TG: variants seen among roughly 807,000 people sequenced by gnomAD.
TG encodes thyroglobulin.
A neutral mutation model predicts 324.7 loss-of-function variants in TG; 270 were observed. The observed-to-expected ratio is 0.83, with a 90% CI of 0.75 to 0.92. TG has a LOEUF of 0.92. Among genes scored for constraint, TG ranks in the 40% least tolerant of loss-of-function variants. The probability of loss-of-function intolerance (pLI) is 0.00; values close to 1 mark genes in which losing one functional copy is unlikely to be tolerated. For synonymous variants in TG, 1,401 were observed against 1,327.0 expected, an observed-to-expected ratio of 1.06 and a Z score of -1.21; for missense variants, 3,591 against 3,456.4, an observed-to-expected ratio of 1.04 and a Z score of -0.98.
chr8:133,013,199 T>G (rs1381937173), intron 36 of TG, among the ~76,000 whole-genome samples: 1 of 152,226 alleles, frequency 6.6e-6, no homozygotes, highest in Non-Finnish European at 1.5e-5. Flanking sequence ...TTGCTACCAT[T>G]TTATTTCCAT....
Position 132,868,123 on chromosome 8 carries a change from G to C in TG, c.76G>C (p.Val26Leu), listed in dbSNP as rs779477989. The C allele has an allele frequency of 6.2e-7, 1 of 1,614,132 alleles. No individual in the cohort carries two copies. The highest frequency in any genetic ancestry group is 1.3e-5 in the African/African-American group (1 of 75,016). Residue 26 changes from valine to leucine, a missense_variant, in exon 2 of 48, where the codon GTG (valine) becomes CTG (leucine). Physicochemically the swap from Val to Leu is conservative, Grantham distance 32 (BLOSUM62 1). Coordinates refer to ENST00000220616, the MANE Select transcript of TG (RefSeq NM_003235.5). ...CACTTTTCTTTTCCTAGAGTACCAG[G>C]TGGATGCCCAGCCCCTTCGTCCCTG... ...WVSANIFEYQ[V>L]DAQPLRPCEL...
chr8:132,941,503 C>T lies in TG; in HGVS notation c.5194C>T (p.Leu1732=), dbSNP rs770610976. The change falls in exon 26 of 48, where the codon CTG becomes TTG. Residue 1732 remains leucine, a synonymous_variant. Coordinates refer to ENST00000220616, the MANE Select transcript of TG (RefSeq NM_003235.5). ...CTGTCTTCTTGCATGCGACCGTGAT[C>T]TGTGTTGCGATGGCTTCGTCCTCAC... is the stretch of plus-strand genomic sequence containing the variant. ...LFCLLACDRD[L]CCDGFVLTQV... is the part of the protein sequence containing the mutation. The T allele has an allele frequency of 6.2e-7, 1 of 1,614,206 alleles. No homozygotes were observed. Among genetic ancestry groups the T allele is most frequent in the Non-Finnish European group, 8.5e-7 (1 of 1,180,036 alleles).
At position 132,935,790 on chromosome 8, in the gene TG, G is replaced by A. The variant is rs1453114223; in HGVS notation, c.4967G>A (p.Ser1656Asn). 5 of 1,613,026 alleles carry A rather than the reference G, an allele frequency of 3.1e-6. No homozygotes were observed. Among genetic ancestry groups the A allele is most frequent in the South Asian group, 1.1e-5 (1 of 91,032 alleles). ...GCACTGGGGAACTCAAAGGCCACCA[G>A]CTTTGGAAGTCTTCGCTGCCAGGTG... Reference protein sequence around the residue: ...RDALGNSKATSFGSLRCQVKV... With the variant: ...RDALGNSKATNFGSLRCQVKV... Residue 1656 changes from serine (S) to asparagine (N), a missense_variant, in exon 25 of 48, where the codon AGC becomes AAC. Ser to Asn is a conservative substitution (Grantham distance 46). Transcript: ENST00000220616.
intron 45 of TG, among the ~76,000 whole-genome samples, chr8:133,130,696 A>C (rs761994304): frequency 3.3e-5 from 5 of 152,196 alleles, no homozygotes; most frequent in Non-Finnish European, 7.4e-5. Flanking sequence ...ATTTCAGTCC[A>C]CTAAGATCGA....
chr8:133,117,160 A>C (rs943232578), intron 45 of TG, among the ~76,000 whole-genome samples: 1 of 152,222 alleles, frequency 6.6e-6, no homozygotes, highest in Non-Finnish European at 1.5e-5. Context: ...AGAATAAAGT[A>C]TCAGGTGCAA....
intron 41 of TG, among the ~76,000 whole-genome samples, chr8:133,093,914 C>G (rs548869874): frequency 6.6e-6 from 1 of 152,190 alleles, no homozygotes; most frequent in African/African-American, 2.4e-5. Context: ...TAGGGAACCT[C>G]TTGAGTGAGT....
chr8:132,970,920 C>T (rs1015358191), intron 32 of TG, among the ~76,000 whole-genome samples: 6 of 152,032 alleles, frequency 3.9e-5, no homozygotes, highest in African/African-American at 1.4e-4. Context: ...CAGATGCTGC[C>T]AACATTGGAG....
At chr8:132,963,576 T>C (rs146472293) in intron 29 of TG, among the ~76,000 whole-genome samples, 1,742 of 152,244 alleles carry the variant, frequency 0.011, 18 homozygotes, top group Non-Finnish European at 0.018. Context: ...TTATTATTAC[T>C]GAGGTGGAGC....
In TG at chr8:132,881,894, T is replaced by C. The variant is rs1481861961; in HGVS notation, c.670T>C (p.Phe224Leu). Residue 224 changes from phenylalanine (F) to leucine (L), a missense_variant, in exon 6 of 48, where the codon TTC (phenylalanine) becomes CTC (leucine). By Grantham distance (22) the Phe-to-Leu change is conservative (BLOSUM62 0). Transcript: ENST00000220616. Reference protein sequence around the residue: ...FPDAFVTFSSFQRRFPEVSGY... With the variant: ...FPDAFVTFSSLQRRFPEVSGY... ...AGATGCATTTGTGACCTTCAGTTCC[T>C]TCCAGAGGAGGTTCCCTGAGGTATC... 2 of 1,614,034 alleles carry C rather than the reference T, an allele frequency of 1.2e-6. No homozygotes were observed. The highest frequency in any genetic ancestry group is 2.7e-5 in the African/African-American group (2 of 74,942).
chr8:133,088,728 G>A (rs935258071), intron 41 of TG, among the ~76,000 whole-genome samples: 1 of 152,180 alleles, frequency 6.6e-6, no homozygotes, highest in Non-Finnish European at 1.5e-5. Context: ...CCTAGATCAT[G>A]TCTATACCAA....
At chr8:133,001,684 G>A (rs557456193) in intron 35 of TG, 31 of 929,318 alleles carry the variant, frequency 3.3e-5, no homozygotes, top group East Asian at 1.2e-4. Flanking sequence ...ACAGGGAGAC[G>A]TGAGCTGGGC....
At chr8:132,965,495 C>A (rs1828423200) in intron 29 of TG, among the ~76,000 whole-genome samples, 1 of 152,184 alleles carries the variant, frequency 6.6e-6, no homozygotes, top group Admixed American at 6.5e-5. Flanking sequence ...TATACAGAGC[C>A]CTGAATGAAT....
At chr8:133,072,909 C>T (rs1407875236) in intron 41 of TG, 1 of 152,194 alleles carries the variant, frequency 6.6e-6, no homozygotes, top group Non-Finnish European at 1.5e-5. Context: ...GTGCCCCACT[C>T]ATTGCTTTAG....
intron 37 of TG, among the ~76,000 whole-genome samples, chr8:133,016,625 C>T (rs144268266): frequency 1.1e-4 from 16 of 152,228 alleles, no homozygotes; most frequent in Admixed American, 5.2e-4. Flanking sequence ...GTCAATCAGC[C>T]GAGAGTGGAG....
chr8:133,019,156 A>G (rs953304076), intron 38 of TG, among the ~76,000 whole-genome samples: 1 of 152,208 alleles, frequency 6.6e-6, no homozygotes, highest in Non-Finnish European at 1.5e-5. Flanking sequence ...GCCATTAGTC[A>G]TAGTCACAGC....
Position 132,888,088 on chromosome 8 carries a change from C to A in TG, c.2281C>A (p.Pro761Thr), listed in dbSNP as rs184309049. 6.2e-7 allele frequency: 1 copy of A among 1,614,166 alleles called. No homozygotes were observed. Among genetic ancestry groups the A allele is most frequent in the African/African-American group, 1.3e-5 (1 of 75,032 alleles). Reference sequence around the variant, plus strand: ...ACCCACCCTTTCCGACACCTACATCCCACAGTGCAGCACCGATGGGCAGTG... The same window carrying A: ...ACCCACCCTTTCCGACACCTACATCACACAGTGCAGCACCGATGGGCAGTG... ...MLPTLSDTYI[P>T]QCSTDGQWRQ... Residue 761 changes from proline to threonine, a missense_variant, in exon 10 of 48, where the codon CCA becomes ACA. Coordinates refer to ENST00000220616, the MANE Select transcript of TG (RefSeq NM_003235.5).
chr8:133,068,106 T>G (rs527236869), intron 41 of TG, among the ~76,000 whole-genome samples: 1 of 152,268 alleles, frequency 6.6e-6, no homozygotes, highest in South Asian at 2.1e-4. Flanking sequence ...AAGCATCACT[T>G]GAAAAGTAGC....
At chr8:132,898,636 G>A (rs1817472577) in intron 13 of TG, among the ~76,000 whole-genome samples, 162 bp from the exon 14 acceptor site, 1 of 152,196 alleles carries the variant, frequency 6.6e-6, no homozygotes, top group Non-Finnish European at 1.5e-5. Flanking sequence ...CTCAAAGCTG[G>A]CATGTCCCAC....
intron 30 of TG, 76 bp from the exon 31 acceptor site, chr8:132,967,718 C>T (rs187948467): frequency 2.6e-6 from 4 of 1,527,076 alleles, no homozygotes; most frequent in East Asian, 4.6e-5. Context: ...ATTTCCCCAC[C>T]CAGAGAATCC....
Sources: allele counts gnomAD v4.1 joint callset (sites outside exome capture counted in the v4.1 genomes callset), GRCh38; gene constraint gnomAD v4.1.1; transcripts MANE v1.5; gene names NCBI Gene and HGNC (gene_info 2026-07-23, HGNC 2026-07-21).